MAGI2: variants seen among roughly 807,000 people sequenced by gnomAD.
MAGI2 encodes membrane associated guanylate kinase, WW and PDZ domain containing 2.
MAGI2 carries 35 observed loss-of-function variants against 133.3 expected under a neutral mutation model. The observed-to-expected ratio is 0.26, with a 90% CI of 0.20 to 0.35. MAGI2 has a LOEUF of 0.35. Among genes scored for constraint, MAGI2 ranks in the 10% least tolerant of loss-of-function variants. The pLI, the probability that MAGI2 is intolerant of heterozygous loss-of-function variation, is 1.00. For missense variants in MAGI2, 1,636 were observed against 1,863.4 expected, an observed-to-expected ratio of 0.88 and a Z score of 2.25; for synonymous variants, 729 against 710.6, an observed-to-expected ratio of 1.03 and a Z score of -0.41.
chr7:78,934,376 T>C (rs1420731431), intron 2 of MAGI2, among the ~76,000 whole-genome samples: 1 of 152,186 alleles, frequency 6.6e-6, no homozygotes, highest in Non-Finnish European at 1.5e-5. Flanking sequence ...AGTGCTAAGA[T>C]TTCAGGCCTG....
chr7:78,271,654 G>A (rs1275964141), intron 9 of MAGI2, among the ~76,000 whole-genome samples: 1 of 152,236 alleles, frequency 6.6e-6, no homozygotes, highest in Middle Eastern at 3.4e-3. Flanking sequence ...TCTATTCAGG[G>A]ATTTGACTTC....
At chr7:78,489,536 T>C (rs1793394225) in intron 6 of MAGI2, among the ~76,000 whole-genome samples, 1 of 152,008 alleles carries the variant, frequency 6.6e-6, no homozygotes, top group Admixed American at 6.6e-5. Flanking sequence ...CCAACAGAGA[T>C]GACAGAGATG....
At chr7:79,275,417 G>A (rs1293329666) in intron 1 of MAGI2, among the ~76,000 whole-genome samples, 1 of 152,166 alleles carries the variant, frequency 6.6e-6, no homozygotes, top group Non-Finnish European at 1.5e-5. Flanking sequence ...ATTCTTTGAA[G>A]GCTGAAAAAG....
chr7:78,664,307 A>G (rs1025280584), intron 2 of MAGI2, among the ~76,000 whole-genome samples: 2 of 152,154 alleles, frequency 1.3e-5, no homozygotes, highest in Non-Finnish European at 2.9e-5. Flanking sequence ...ATTTTATTTT[A>G]TGAAACCTTA....
At chr7:78,699,589 G>A (rs1051365672) in intron 2 of MAGI2, among the ~76,000 whole-genome samples, 1 of 152,016 alleles carries the variant, frequency 6.6e-6, no homozygotes, top group African/African-American at 2.4e-5. Context: ...ATACTTCTAG[G>A]CCCAAGCATT....
intron 1 of MAGI2, among the ~76,000 whole-genome samples, chr7:79,334,236 T>C (rs1372567816): frequency 6.6e-6 from 1 of 152,174 alleles, no homozygotes; most frequent in Non-Finnish European, 1.5e-5. Context: ...CCAGCCTCAC[T>C]GGGGTGTGAA....
At chr7:79,431,613 T>C (rs1297475959) in intron 1 of MAGI2, among the ~76,000 whole-genome samples, 1 of 152,214 alleles carries the variant, frequency 6.6e-6, no homozygotes, top group African/African-American at 2.4e-5. Context: ...TAAATGTTTA[T>C]GATTTCAGCA....
chr7:79,356,515 T>G (rs960661554), intron 1 of MAGI2, among the ~76,000 whole-genome samples: 2 of 152,158 alleles, frequency 1.3e-5, no homozygotes, highest in Non-Finnish European at 2.9e-5. Flanking sequence ...ACAGCATTAA[T>G]TTTTAGAAAA....
chr7:79,260,363 AATACATACATACATACATACATAC>A (rs61427819), intron 1 of MAGI2, among the ~76,000 whole-genome samples: 60 of 149,204 alleles, frequency 4.0e-4, no homozygotes, highest in Admixed American at 5.4e-4. Flanking sequence ...TCTCTAAGTA[AATACATACATACATACATACATAC>A]ATACATACAT....
intron 10 of MAGI2, among the ~76,000 whole-genome samples, chr7:78,201,594 G>A (rs1053537361): frequency 2.0e-5 from 3 of 152,140 alleles, no homozygotes; most frequent in African/African-American, 2.4e-5. Flanking sequence ...ATAAGAAATG[G>A]TTGTTTTATT....
chr7:78,573,345 TAGAG>T (rs1212529640), intron 3 of MAGI2, among the ~76,000 whole-genome samples: 28 of 65,142 alleles, frequency 4.3e-4, no homozygotes, highest in Admixed American at 8.0e-4. Context: ...TATATATATA[TAGAG>T]AGAGAGAATC....
At chr7:78,905,009 C>T (rs964527422) in intron 2 of MAGI2, among the ~76,000 whole-genome samples, 2 of 152,148 alleles carry the variant, frequency 1.3e-5, no homozygotes, top group Non-Finnish European at 1.5e-5. Flanking sequence ...GATTCATTCC[C>T]ATAGGTAGGT....
chr7:79,200,096 A>T (rs1251554395), intron 1 of MAGI2, among the ~76,000 whole-genome samples: 1 of 151,632 alleles, frequency 6.6e-6, no homozygotes, highest in East Asian at 1.9e-4. Flanking sequence ...AGAATAATCC[A>T]CCAATCTCCT....
At chr7:78,492,272 G>T (rs978244089) in intron 5 of MAGI2, among the ~76,000 whole-genome samples, 4 of 151,824 alleles carry the variant, frequency 2.6e-5, no homozygotes, top group Admixed American at 2.6e-4. Context: ...CAGTATTAAC[G>T]GTGTGTCACT....
intron 1 of MAGI2, among the ~76,000 whole-genome samples, chr7:79,287,847 A>C (rs544749429): frequency 3.3e-5 from 5 of 152,272 alleles, no homozygotes; most frequent in African/African-American, 1.2e-4. Flanking sequence ...TTATCACACT[A>C]ATATTTTCTA....
At chr7:78,133,390 C>T (rs1016646871) in intron 17 of MAGI2, among the ~76,000 whole-genome samples, 7 of 152,104 alleles carry the variant, frequency 4.6e-5, no homozygotes, top group Admixed American at 6.6e-5. Context: ...TTTGCAGCAT[C>T]GCTTGCTGAG....
intron 1 of MAGI2, among the ~76,000 whole-genome samples, chr7:79,264,308 A>C (rs1834290041): frequency 6.6e-6 from 1 of 152,190 alleles, no homozygotes; most frequent in Non-Finnish European, 1.5e-5. Context: ...ATTATATGCT[A>C]TCTGAGATTG....
At chr7:78,417,739 A>C (rs1312768428) in intron 6 of MAGI2, among the ~76,000 whole-genome samples, 4 of 152,152 alleles carry the variant, frequency 2.6e-5, no homozygotes, top group Non-Finnish European at 5.9e-5. Flanking sequence ...ATGATTAAGA[A>C]ATAGGATTCA....
At chr7:78,634,394 G>T (rs1048444042) in intron 2 of MAGI2, among the ~76,000 whole-genome samples, 1 of 152,182 alleles carries the variant, frequency 6.6e-6, no homozygotes, top group African/African-American at 2.4e-5. Context: ...ACCTACAAGA[G>T]TCAGAAAGCA....
Sources: allele counts gnomAD v4.1 joint callset (sites outside exome capture counted in the v4.1 genomes callset), GRCh38; gene constraint gnomAD v4.1.1; transcripts MANE v1.5; gene names NCBI Gene and HGNC (gene_info 2026-07-23, HGNC 2026-07-21).